The following PARN variants were observed in gnomAD, a reference collection of about 807,000 sequenced individuals.
The protein encoded by PARN is poly(A)-specific ribonuclease PARN.
In PARN, 71 loss-of-function variants were observed where a neutral mutation model predicts 102.8. The observed-to-expected ratio is 0.69, with a 90% CI of 0.57 to 0.84. The LOEUF (loss-of-function observed/expected upper bound fraction) is 0.84, where lower values mean the gene tolerates loss of function less well. Among genes scored for constraint, PARN ranks in the 40% least tolerant of loss-of-function variants. The pLI is 0.00. For synonymous variants in PARN, 261 were observed against 252.9 expected, an observed-to-expected ratio of 1.03 and a Z score of -0.30; for missense variants, 782 against 760.9, an observed-to-expected ratio of 1.03 and a Z score of -0.33.
chr16:14,520,219 A>G (rs190668696), intron 21 of PARN, among the ~76,000 whole-genome samples: 2 of 152,330 alleles, frequency 1.3e-5, no homozygotes, highest in East Asian at 3.9e-4. Flanking sequence ...GTGAGGGCAG[A>G]AGAGAGACAC....
intron 12 of PARN, among the ~76,000 whole-genome samples, chr16:14,595,390 G>A (rs895139608): frequency 1.3e-5 from 2 of 152,042 alleles, no homozygotes; most frequent in Non-Finnish European, 2.9e-5. Context: ...TTAGAGACAG[G>A]GTCTCGCTCT....
Position 14,463,828 on chromosome 16 carries a change from C to CT in PARN, c.1671-16748dup, listed in dbSNP as rs201917088. Among the ~76,000 whole-genome samples the CT allele has an allele frequency of 1.2e-3, 155 of 124,444 alleles. 1 individual carries two copies. The highest frequency in any genetic ancestry group is 4.7e-3 in the Admixed American group (55 of 11,704). 81.6% of individuals were successfully genotyped at this position (124,444 alleles called of 152,430 possible). ...AAATAATGGTTGAAAAAAGTCCAAA[C>CT]TTTTTTTTTTGGGGGGGGGGGGACG... On this transcript the variant is annotated intron_variant, in intron 22 of 23. Transcript: ENST00000437198.
intron 21 of PARN, among the ~76,000 whole-genome samples, chr16:14,490,672 C>T (rs992130498): frequency 1.3e-5 from 2 of 152,174 alleles, no homozygotes; most frequent in African/African-American, 2.4e-5. Flanking sequence ...CACCCACCAG[C>T]GTGAGGCCCT....
chr16:14,612,160 C>T (rs189554921), intron 6 of PARN, among the ~76,000 whole-genome samples: 10 of 152,174 alleles, frequency 6.6e-5, no homozygotes, highest in East Asian at 3.9e-4. Flanking sequence ...ACCTTGCGGC[C>T]GGGCATGGTG....
rs185091752 is a variant in PARN, at chr16:14,551,342, G to A, written c.1480+679C>T. On this transcript the variant is annotated intron_variant, in intron 21 of 23. Transcript: ENST00000437198. ...CCAGCACTCTGAAAGGCCGAGGCAG[G>A]CAGATCACCTGAGGTCAGGAGTTTG... 6.6e-3 allele frequency among the ~76,000 whole-genome samples: 996 copies of A among 152,052 alleles called. 8 individuals carry two copies. The highest frequency in any genetic ancestry group is 0.014 in the South Asian group (69 of 4,810).
intron 21 of PARN, among the ~76,000 whole-genome samples, chr16:14,549,663 T>C (rs961971132): frequency 3.9e-5 from 6 of 152,230 alleles, no homozygotes; most frequent in African/African-American, 1.4e-4. Flanking sequence ...GGAATCATGC[T>C]TGTATTTTCA....
intron 21 of PARN, among the ~76,000 whole-genome samples, chr16:14,532,896 G>A (rs1567355475): frequency 1.3e-5 from 2 of 151,758 alleles, no homozygotes; most frequent in African/African-American, 2.4e-5. Context: ...GCAGCTGGCC[G>A]GGAGAGGGGC....
chr16:14,469,289 A>G (rs1962573755), intron 22 of PARN, among the ~76,000 whole-genome samples: 1 of 152,174 alleles, frequency 6.6e-6, no homozygotes, highest in South Asian at 2.1e-4. Context: ...CCAAGATCGC[A>G]CCACTGCACT....
At chr16:14,611,538 TTTTC>T (rs1295073443) in intron 6 of PARN, among the ~76,000 whole-genome samples, 1 of 151,880 alleles carries the variant, frequency 6.6e-6, no homozygotes, top group Non-Finnish European at 1.5e-5. Context: ...TCAGCAAACT[TTTTC>T]TTTGTTTTGT....
At chr16:14,604,508 G>A (rs1175553264) in intron 10 of PARN, among the ~76,000 whole-genome samples, 6 of 151,878 alleles carry the variant, frequency 4.0e-5, no homozygotes, top group Non-Finnish European at 8.8e-5. Flanking sequence ...TGATCCACCC[G>A]CCTCAGTCTC....
intron 18 of PARN, among the ~76,000 whole-genome samples, chr16:14,568,934 G>A (rs1458015782): frequency 2.0e-5 from 3 of 151,652 alleles, no homozygotes; most frequent in Admixed American, 6.6e-5. Context: ...AAAAAAGTGC[G>A]GGGACAGTGG....
At chr16:14,450,574 G>C (rs887974089) in intron 22 of PARN, among the ~76,000 whole-genome samples, 1 of 151,922 alleles carries the variant, frequency 6.6e-6, no homozygotes, top group Non-Finnish European at 1.5e-5. Context: ...ATAGATAATT[G>C]TATCTATCCA....
intron 18 of PARN, among the ~76,000 whole-genome samples, chr16:14,577,454 C>G (rs1379615526): frequency 3.3e-5 from 5 of 152,120 alleles, no homozygotes; most frequent in African/African-American, 7.2e-5. Flanking sequence ...CTGCCTCAGC[C>G]TCCCGAGTAG....
intron 21 of PARN, among the ~76,000 whole-genome samples, chr16:14,487,105 C>T (rs918662935): frequency 4.6e-5 from 7 of 152,178 alleles, no homozygotes; most frequent in Non-Finnish European, 8.8e-5. Context: ...CCGGAGGATC[C>T]GAAGGCAGCA....
intron 22 of PARN, among the ~76,000 whole-genome samples, chr16:14,478,160 A>T (rs1301452369): frequency 6.6e-6 from 1 of 151,966 alleles, no homozygotes; most frequent in Non-Finnish European, 1.5e-5. Flanking sequence ...CTACAAAAAT[A>T]AAAAAATTAG....
intron 22 of PARN, among the ~76,000 whole-genome samples, chr16:14,472,358 TCTTAC>T (rs1962797343): frequency 6.6e-6 from 1 of 152,214 alleles, no homozygotes; most frequent in Non-Finnish European, 1.5e-5. Flanking sequence ...GCTGATCCTT[TCTTAC>T]AAGTGTGCAG....
rs577818260 is a variant in PARN at position 14,616,437 on chromosome 16, C to A, written c.388+1153G>T. Among the ~76,000 whole-genome samples, 7 of 152,352 alleles carry A rather than the reference C, an allele frequency of 4.6e-5. No individual in the cohort carries two copies. The South Asian group carries it at 1.4e-3, about 32-fold the overall frequency. On this transcript the variant is annotated intron_variant, in intron 6 of 23. Coordinates refer to ENST00000437198, the MANE Select transcript of PARN (RefSeq NM_002582.4). ...CTCCCATAAGAAACTAAGAAACTGT[C>A]TCCAACTACTAAAAAAGCAACAGGT... is the stretch of plus-strand genomic sequence containing the variant.
At chr16:14,505,708 G>T (rs997466031) in intron 21 of PARN, among the ~76,000 whole-genome samples, 1 of 152,088 alleles carries the variant, frequency 6.6e-6, no homozygotes. Flanking sequence ...CATGATGTAG[G>T]TGTACTTATA....
At chr16:14,479,471 T>C (rs1054492399) in intron 22 of PARN, among the ~76,000 whole-genome samples, 1 of 149,070 alleles carries the variant, frequency 6.7e-6, no homozygotes, top group Admixed American at 6.7e-5. Flanking sequence ...ATATACAAGA[T>C]CGCCACAGTA....
Sources: allele counts gnomAD v4.1 joint callset (sites outside exome capture counted in the v4.1 genomes callset), GRCh38; gene constraint gnomAD v4.1.1; transcripts MANE v1.5; gene names NCBI Gene and HGNC (gene_info 2026-07-23, HGNC 2026-07-21).